The following CHIA variants were observed in gnomAD, a reference collection of about 807,000 sequenced individuals.
The protein encoded by CHIA is chitinase acidic.
CHIA carries 47 observed loss-of-function variants against 53.5 expected under a neutral mutation model. That is an observed-to-expected ratio of 0.88 (90% CI 0.70 to 1.12). The LOEUF is 1.12. CHIA is among the 50% of genes most tolerant of loss of function. CHIA has a pLI of 0.00. For missense variants in CHIA, 652 were observed against 592.2 expected, an observed-to-expected ratio of 1.10 and a Z score of -1.05; for synonymous variants, 268 against 222.2, an observed-to-expected ratio of 1.21 and a Z score of -1.83.
In CHIA at chr1:111,319,176, G is replaced by A. The variant is rs1464403717; in HGVS notation, c.972G>A (p.Val324=). ...ATQGWDAPQE[V]PYAYQGNVWV... Reference sequence around the variant, plus strand: ...AGGGATGGGATGCCCCTCAGGAAGTGCCTTATGCCTATCAGGGCAATGTGT... The same window carrying A: ...AGGGATGGGATGCCCCTCAGGAAGTACCTTATGCCTATCAGGGCAATGTGT... Residue 324 remains valine (V), a synonymous_variant, in exon 10 of 12, where the codon GTG becomes GTA. Transcript: ENST00000369740. The A allele has an allele frequency of 1.3e-5, 21 of 1,614,096 alleles. No individual in the cohort carries two copies. The highest frequency in any genetic ancestry group is 1.5e-5 in the Non-Finnish European group (18 of 1,180,040).
chr1:111,320,002 C>A (rs1159615737), intron 11 of CHIA, among the ~76,000 whole-genome samples: 2 of 152,022 alleles, frequency 1.3e-5, no homozygotes, highest in African/African-American at 2.4e-5. Flanking sequence ...GAAAGAGCAA[C>A]CTTTTTTTAC....
intron 1 of CHIA, among the ~76,000 whole-genome samples, chr1:111,294,991 T>G (rs1239216867): frequency 6.6e-6 from 1 of 152,208 alleles, no homozygotes; most frequent in East Asian, 1.9e-4. Context: ...TGGTCTGTAG[T>G]TTACCTGTAT....
chr1:111,311,126 A>G (rs188472252), intron 2 of CHIA, among the ~76,000 whole-genome samples: 1 of 152,318 alleles, frequency 6.6e-6, no homozygotes, highest in Admixed American at 6.5e-5. Flanking sequence ...ACCTTTTCCA[A>G]ATGAAACCTC....
At chr1:111,310,836 A>C (rs533573123) in intron 2 of CHIA, among the ~76,000 whole-genome samples, 2 of 152,174 alleles carry the variant, frequency 1.3e-5, no homozygotes, top group Non-Finnish European at 2.9e-5. Context: ...TAATTGGAAT[A>C]ATGTTTATTT....
chr1:111,295,015 T>C (rs1230692374), intron 1 of CHIA, among the ~76,000 whole-genome samples: 1 of 152,224 alleles, frequency 6.6e-6, no homozygotes, highest in Non-Finnish European at 1.5e-5. Context: ...TATCTGGCTT[T>C]GATATTACAG....
chr1:111,319,386 T>G lies in CHIA; in HGVS notation c.1095T>G (p.Asp365Glu). The G allele has an allele frequency of 6.2e-7, 1 of 1,614,176 alleles. No individual in the cohort carries two copies. The highest frequency in any genetic ancestry group is 8.5e-7 in the Non-Finnish European group (1 of 1,179,968). Reference protein sequence around the residue: ...GGAMVWAIDLDDFTGTFCNQG... With the variant: ...GGAMVWAIDLEDFTGTFCNQG... The stretch of plus-strand genomic sequence containing the variant: ...CCATGGTCTGGGCCATTGATCTGGA[T>G]GACTTCACTGGCACTTTCTGCAACC... Residue 365 changes from aspartate to glutamate, a missense_variant, in exon 11 of 12, where the codon GAT becomes GAG. By Grantham distance (45) the Asp-to-Glu change is conservative. Transcript: ENST00000369740.
intron 6 of CHIA, 183 bp downstream of exon 6, chr1:111,315,618 T>C: frequency 3.2e-6 from 2 of 625,226 alleles, no homozygotes; most frequent in South Asian, 1.9e-5. Flanking sequence ...CAAAGCAACA[T>C]GTGAGCTCTG....
In CHIA at chr1:111,315,362, A is replaced by G; in HGVS notation, c.407A>G (p.Asp136Gly). The G allele has an allele frequency of 6.2e-7, 1 of 1,613,936 alleles. No individual in the cohort carries two copies. Among genetic ancestry groups the G allele is most frequent in the South Asian group, 1.1e-5 (1 of 91,038 alleles). The stretch of plus-strand genomic sequence containing the variant: ...CGCCAGTATGAGTTTGACGGGCTGG[A>G]CTTTGACTGGGAGTACCCTGGCTCT... ...FLRQYEFDGL[D>G]FDWEYPGSRG... Residue 136 changes from aspartate to glycine, a missense_variant, in exon 6 of 12, where the codon GAC becomes GGC. By Grantham distance (94) the Asp-to-Gly change is moderately conservative. Transcript: ENST00000369740.
rs1648740975 is a variant in CHIA at position 111,312,239 on chromosome 1, G to A, written c.105G>A (p.Arg35=). The part of the protein sequence containing the change: ...TCYFTNWAQY[R]PGLGRFMPDN... ...ACTTCACCAACTGGGCCCAGTACCG[G>A]CCAGGCCTGGGGCGCTTCATGCCTG... The change falls in exon 4 of 12, where the codon CGG becomes CGA. Residue 35 remains arginine, a synonymous_variant. Coordinates refer to ENST00000369740, the MANE Select transcript of CHIA (RefSeq NM_201653.4). 1 of 1,613,984 alleles carries A rather than the reference G, an allele frequency of 6.2e-7. No individual in the cohort carries two copies. Among genetic ancestry groups the A allele is most frequent in the African/African-American group, 1.3e-5 (1 of 74,892 alleles).
intron 1 of CHIA, among the ~76,000 whole-genome samples, chr1:111,305,476 C>T (rs1648106756): frequency 6.6e-6 from 1 of 152,178 alleles, no homozygotes; most frequent in Non-Finnish European, 1.5e-5. Context: ...CACCCTGGCT[C>T]CCACAAGCTC....
chr1:111,312,410 T>A lies in CHIA; in HGVS notation c.257+19T>A, dbSNP rs1191715566. 1 of 1,589,990 alleles carries A rather than the reference T, an allele frequency of 6.3e-7. No homozygotes were observed. The highest frequency in any genetic ancestry group is 8.6e-7 in the Non-Finnish European group (1 of 1,158,084). ...AAAATAAGTAGGATGAGGGAGATAT[T>A]TAATTTGGCATCCCCTTTTTCAGTA... On this transcript the variant is annotated intron_variant, in intron 4 of 11. Coordinates refer to ENST00000369740, the MANE Select transcript of CHIA (RefSeq NM_201653.4).
chr1:111,308,856 A>T (rs1383118891), intron 1 of CHIA, among the ~76,000 whole-genome samples: 2 of 152,198 alleles, frequency 1.3e-5, no homozygotes, highest in African/African-American at 4.8e-5. Context: ...TTTCAAATAT[A>T]TTGATTTGTG....
In CHIA at chr1:111,319,507, C is replaced by T. The variant is rs551555095; in HGVS notation, c.1177+39C>T. 7 of 1,602,612 alleles carry T rather than the reference C, an allele frequency of 4.4e-6. No homozygotes were observed. In the Admixed American group the frequency reaches 8.4e-5, roughly 19 times the overall value. On this transcript the variant is annotated intron_variant, in intron 11 of 11. Coordinates refer to ENST00000369740, the MANE Select transcript of CHIA (RefSeq NM_201653.4). The stretch of plus-strand genomic sequence containing the variant: ...GGGGAATGCCCAGGTGTATAAATAC[C>T]CCTTCTCCAACTCAAAAAGCAACCC...
rs1274807990 is a variant in CHIA, at chr1:111,291,840, TGG to T, written c.-69+894_-69+895del. 3.0e-3 allele frequency among the ~76,000 whole-genome samples: 317 copies of T among 105,860 alleles called. 2 individuals are homozygous for T. Among genetic ancestry groups the T allele is most frequent in the African/African-American group, 0.01 (296 of 29,044 alleles). 69.4% of individuals were successfully genotyped at this position (105,860 alleles called of 152,430 possible). A position where few individuals can be genotyped will look rare whatever the true frequency, so the allele number is the denominator to read the frequency against. ...CACACTGGGGCCTGTCGGGGGGGGG[TGG>T]GGGTAGGGAAAGCATCAGGATAAAG... On this transcript the variant is annotated intron_variant, in intron 1 of 11. Transcript: ENST00000369740.
At chr1:111,302,387 A>G (rs1647828025) in intron 1 of CHIA, among the ~76,000 whole-genome samples, 1 of 152,132 alleles carries the variant, frequency 6.6e-6, no homozygotes. Context: ...GTGAATATTT[A>G]GAGTTATAAA....
intron 2 of CHIA, among the ~76,000 whole-genome samples, chr1:111,310,838 T>A (rs1388439652): frequency 6.6e-6 from 1 of 152,228 alleles, no homozygotes; most frequent in Non-Finnish European, 1.5e-5. Flanking sequence ...ATTGGAATAA[T>A]GTTTATTTAT....
chr1:111,304,586 GT>G (rs1301348070), intron 1 of CHIA, among the ~76,000 whole-genome samples: 6 of 152,070 alleles, frequency 3.9e-5, no homozygotes, highest in Admixed American at 3.3e-4. Context: ...TTTATTTTCT[GT>G]TTTTGTCCAA....
chr1:111,300,190 C>G (rs925788851), intron 1 of CHIA, among the ~76,000 whole-genome samples: 9 of 152,084 alleles, frequency 5.9e-5, no homozygotes, highest in Non-Finnish European at 1.3e-4. Context: ...CCATCCCCAT[C>G]CAGCTACCAA....
chr1:111,305,145 G>A (rs1222874535), intron 1 of CHIA, among the ~76,000 whole-genome samples: 2 of 152,150 alleles, frequency 1.3e-5, no homozygotes, highest in Non-Finnish European at 2.9e-5. Flanking sequence ...ATCTTCACAG[G>A]TCTTTTCTGA....
Sources: allele counts gnomAD v4.1 joint callset (sites outside exome capture counted in the v4.1 genomes callset), GRCh38; gene constraint gnomAD v4.1.1; transcripts MANE v1.5; gene names NCBI Gene and HGNC (gene_info 2026-07-23, HGNC 2026-07-21).